Variants in ADAMTSL1 observed in about 807,000 individuals in gnomAD.
The protein encoded by ADAMTSL1 is ADAMTS like 1.
A neutral mutation model predicts 201.8 loss-of-function variants in ADAMTSL1; 126 were observed. The ratio of observed to expected loss-of-function variants is 0.62; its 90% CI spans 0.54 to 0.72. The LOEUF is 0.72. ADAMTSL1 is among the 30% of genes least tolerant of loss of function. ADAMTSL1 has a pLI of 0.00. For missense variants in ADAMTSL1, 2,679 were observed against 2,277.8 expected (o/e 1.18, Z -3.59); for synonymous variants, 1,121 against 903.4 (o/e 1.24, Z -4.32).
At position 18,776,963 on chromosome 9, in the gene ADAMTSL1, GAGA is replaced by G. The variant is rs1821055851; in HGVS notation, c.2737_2739del (p.Lys913del). 1 of 1,598,086 alleles carries G rather than the reference GAGA, an allele frequency of 6.3e-7. No individual in the cohort carries two copies. Among genetic ancestry groups the G allele is most frequent in the African/African-American group, 1.3e-5 (1 of 74,502 alleles). ...GGTCCGCAAGCCCCTCATCACCTGG[GAGA>G]AGGACGGCCAGCACCTCATCAGCTC... On this transcript the variant is annotated inframe_deletion, in exon 19 of 29. Transcript: ENST00000380548.
chr9:18,118,952 A>T (rs1284368169), intron 1 of ADAMTSL1, among the ~76,000 whole-genome samples: 2 of 152,144 alleles, frequency 1.3e-5, no homozygotes, highest in Non-Finnish European at 2.9e-5. Flanking sequence ...TGCAGCAAAC[A>T]TTTGTTATTT....
chr9:18,529,451 A>C (rs1053761575), intron 2 of ADAMTSL1, among the ~76,000 whole-genome samples: 1 of 152,140 alleles, frequency 6.6e-6, no homozygotes, highest in African/African-American at 2.4e-5. Context: ...CTAGATTCCA[A>C]TCCCTGGTTC....
At chr9:18,823,056 C>A (rs778695863) in intron 21 of ADAMTSL1, among the ~76,000 whole-genome samples, 1 of 152,184 alleles carries the variant, frequency 6.6e-6, no homozygotes, top group Non-Finnish European at 1.5e-5. Flanking sequence ...GAAGGACTGG[C>A]TGTCACTCCA....
At chr9:18,889,394 C>T (rs1024093221) in intron 24 of ADAMTSL1, among the ~76,000 whole-genome samples, 174 bp from the exon 25 acceptor site, 1 of 152,186 alleles carries the variant, frequency 6.6e-6, no homozygotes, top group African/African-American at 2.4e-5. Context: ...CGTGACTTCC[C>T]CAAATAGTTC....
intron 2 of ADAMTSL1, among the ~76,000 whole-genome samples, chr9:18,308,802 T>C (rs377082650): frequency 3.9e-5 from 6 of 152,048 alleles, no homozygotes; most frequent in East Asian, 3.9e-4. Context: ...TTCCAAACAA[T>C]AGAAAAACAG....
intron 3 of ADAMTSL1, among the ~76,000 whole-genome samples, chr9:18,539,716 G>GGGAT (rs1820009512): frequency 6.6e-6 from 1 of 152,142 alleles, no homozygotes; most frequent in Non-Finnish European, 1.5e-5. Context: ...TCCAGGCTTT[G>GGGAT]GGATGTAGTA....
chr9:18,177,214 A>G (rs140387209), intron 2 of ADAMTSL1, among the ~76,000 whole-genome samples: 17 of 152,326 alleles, frequency 1.1e-4, no homozygotes, highest in African/African-American at 4.1e-4. Flanking sequence ...ATATGCCCCA[A>G]AGAATGAATG....
chr9:18,716,652 A>G (rs1190506298), intron 14 of ADAMTSL1, among the ~76,000 whole-genome samples: 2 of 146,554 alleles, frequency 1.4e-5, no homozygotes, highest in African/African-American at 2.5e-5. Context: ...ACTGTAAACT[A>G]GTTCAACCAT....
At chr9:18,867,131 A>C (rs376310859) in intron 23 of ADAMTSL1, among the ~76,000 whole-genome samples, 28 of 152,360 alleles carry the variant, frequency 1.8e-4, no homozygotes, top group African/African-American at 6.5e-4. Flanking sequence ...CAATAAGAGG[A>C]GGACAGATAT....
At chr9:18,258,909 G>A (rs2132524660) in intron 2 of ADAMTSL1, among the ~76,000 whole-genome samples, 1 of 152,244 alleles carries the variant, frequency 6.6e-6, no homozygotes. Context: ...GCGTAGGTCA[G>A]CAATGACCTT....
rs73645717 is a variant in ADAMTSL1, at chr9:18,112,524, G to T, written c.88-51338G>T. Reference sequence around the variant, plus strand: ...CCTAGTTCTTATCTCACTTTTCCTCGCCTGTGCTTCCTGAGATCATACCCT... The same window carrying T: ...CCTAGTTCTTATCTCACTTTTCCTCTCCTGTGCTTCCTGAGATCATACCCT... On this transcript the variant is annotated intron_variant, in intron 1 of 29. Coordinates refer to the ADAMTSL1 transcript ENST00000680146. Among the ~76,000 whole-genome samples the T allele has an allele frequency of 2.0e-5, 3 of 147,528 alleles. No homozygotes were observed. In the East Asian group the frequency reaches 6.0e-4, roughly 29 times the overall value.
At position 18,909,846 on chromosome 9, in the gene ADAMTSL1, GCAAAGCAGCTCACA is replaced by G. The variant is rs1171472008; in HGVS notation, c.*1301_*1314del. ...GCGGGGTGGTGGAGGCAGCACCCTG[GCAAAGCAGCTCACA>G]CACTGCAGCCACACTCATCAGCTGT... On this transcript the variant is annotated 3_prime_UTR_variant, in exon 29 of 29. Coordinates refer to ENST00000380548, the MANE Select transcript of ADAMTSL1 (RefSeq NM_001040272.6). 8 of 152,148 alleles carry G rather than the reference GCAAAGCAGCTCACA, an allele frequency of 5.3e-5. No individual in the cohort carries two copies. The highest frequency in any genetic ancestry group is 2.1e-4 in the South Asian group (1 of 4,826). The allele number at this position is 152,148 out of a possible 1,614,324, so 9.4% of individuals were successfully genotyped here.
Position 18,261,351 on chromosome 9 carries a change from T to G in ADAMTSL1, c.207+97370T>G, listed in dbSNP as rs1236092271. On this transcript the variant is annotated intron_variant, in intron 2 of 29. Transcript: ENST00000680146. ...CACAGCATCTGAGGCTGTGTAAAGA[T>G]AAAGCATGGTTGTGCAATCTAACAC... Among the ~76,000 whole-genome samples, 3 of 152,280 alleles carry G rather than the reference T, an allele frequency of 2.0e-5. No individual in the cohort carries two copies. The East Asian group carries it at 5.8e-4, about 29-fold the overall frequency.
At chr9:18,600,743 T>A (rs1420041417) in intron 4 of ADAMTSL1, among the ~76,000 whole-genome samples, 2 of 152,172 alleles carry the variant, frequency 1.3e-5, no homozygotes, top group Non-Finnish European at 2.9e-5. Flanking sequence ...GATGCCACAT[T>A]AAAGGCTTTA....
chr9:18,689,394 T>C (rs1831071938), intron 13 of ADAMTSL1, among the ~76,000 whole-genome samples: 1 of 152,110 alleles, frequency 6.6e-6, no homozygotes, highest in Admixed American at 6.5e-5. Flanking sequence ...GTCATTCAGC[T>C]TACCTTAAAA....
intron 2 of ADAMTSL1, chr9:18,362,262 T>C (rs1178189978): frequency 1.3e-5 from 2 of 152,164 alleles, no homozygotes; most frequent in Non-Finnish European, 2.9e-5. Context: ...TAGAACGTAG[T>C]TGGAAAAAAA....
chr9:18,502,440 C>A (rs1162907263), intron 1 of ADAMTSL1, among the ~76,000 whole-genome samples: 1 of 152,220 alleles, frequency 6.6e-6, no homozygotes, highest in Non-Finnish European at 1.5e-5. Flanking sequence ...TTAGATGATA[C>A]ACAATTAACT....
chr9:18,020,225 A>C (rs1366103099), intron 1 of ADAMTSL1, among the ~76,000 whole-genome samples: 1 of 152,062 alleles, frequency 6.6e-6, no homozygotes, highest in African/African-American at 2.4e-5. Context: ...GGGGACAGGC[A>C]GTTTCTAAGA....
At chr9:18,522,083 G>T (rs541632742) in intron 2 of ADAMTSL1, among the ~76,000 whole-genome samples, 6 of 152,220 alleles carry the variant, frequency 3.9e-5, no homozygotes, top group African/African-American at 1.4e-4. Flanking sequence ...AAGTTGACTG[G>T]TATCAAGTAT....
Sources: allele counts gnomAD v4.1 joint callset (sites outside exome capture counted in the v4.1 genomes callset), GRCh38; gene constraint gnomAD v4.1.1; transcripts MANE v1.5; gene names NCBI Gene and HGNC (gene_info 2026-07-23, HGNC 2026-07-21).